The following SLC49A3 variants were observed in gnomAD, a reference collection of about 807,000 sequenced individuals.
SLC49A3 encodes solute carrier family 49 member A3.
Under a neutral mutation model 43.8 loss-of-function variants are expected in SLC49A3, and 50 were observed. That is an observed-to-expected ratio of 1.14 (90% CI 0.91 to 1.45). The LOEUF is 1.45. SLC49A3 is among the 40% of genes most tolerant of loss of function. The pLI is 0.00. For synonymous variants in SLC49A3, 413 were observed against 352.0 expected (o/e 1.17, Z -1.94); for missense variants, 906 against 774.1 (o/e 1.17, Z -2.02).
downstream of SLC49A3, among the ~76,000 whole-genome samples, chr4:681,665 GC>G (rs1183411657): frequency 2.9e-4 from 1 of 3,400 alleles, no homozygotes; most frequent in Non-Finnish European, 5.5e-4. Flanking sequence ...GCGCCGCCCC[GC>G]CCCCTCCAGC....
chr4:676,958 C>G (rs1417380059), downstream of SLC49A3: 1 of 984,166 alleles, frequency 1.0e-6, no homozygotes, highest in Non-Finnish European at 1.2e-6. Flanking sequence ...CAACTGTGAC[C>G]ATGTGTCCCT....
At chr4:689,363 C>T (rs913986970), upstream of SLC49A3, 1 of 309,572 alleles carries the variant, frequency 3.2e-6, no homozygotes, top group African/African-American at 2.2e-5. Flanking sequence ...CTCCTTCGGC[C>T]TCAGGCTGGA....
At chr4:677,866 A>G, downstream of SLC49A3, 50 of 1,259,308 alleles carry the variant, frequency 4.0e-5, no homozygotes, top group Non-Finnish European at 5.5e-5. Context: ...CAGGCTGCCA[A>G]AGCTCACTCT....
chr4:683,706 A>G lies in SLC49A3; in HGVS notation c.896T>C (p.Leu299Pro), dbSNP rs1186870928. ...LFITFGILGALALGPYVDRTK... is the reference protein window; with the variant it reads ...LFITFGILGAPALGPYVDRTK... Reference sequence around the variant, plus strand: ...CCGGTCCACATAGGGGCCGAGAGCCAGTGCCCCCAGGATCCCAAACGTGAT... The same window carrying G: ...CCGGTCCACATAGGGGCCGAGAGCCGGTGCCCCCAGGATCCCAAACGTGAT... The change falls in exon 7 of 10, where the codon CTG (leucine) becomes CCG (proline). Residue 299 changes from leucine to proline, a missense_variant. Transcript: ENST00000322224. 2 of 1,597,550 alleles carry G rather than the reference A, an allele frequency of 1.3e-6. No homozygotes were observed.
Position 683,661 on chromosome 4 carries a change from G to A in SLC49A3, c.941C>T (p.Ala314Val), listed in dbSNP as rs1312440488. Residue 314 changes from alanine (A) to valine (V), a missense_variant, in exon 7 of 10, where the codon GCC (alanine) becomes GTC (valine). Coordinates refer to ENST00000322224, the MANE Select transcript of SLC49A3 (RefSeq NM_032219.4). The stretch of plus-strand genomic sequence containing the variant: ...GAACAGGCACAGGCCAATCTTGGTG[G>A]CCTCAGTGAAGTGCTTGGTCCGGTC... ...YVDRTKHFTE[A>V]TKIGLCLFSL... 1.2e-6 allele frequency: 2 copies of A among 1,611,656 alleles called. No homozygotes were observed. Among genetic ancestry groups the A allele is most frequent in the African/African-American group, 1.3e-5 (1 of 74,916 alleles).
chr4:683,685 T>G lies in SLC49A3; in HGVS notation c.917A>C (p.Asp306Ala), dbSNP rs757832871. Residue 306 changes from aspartate (D) to alanine (A), a missense_variant, in exon 7 of 10, where the codon GAC becomes GCC. Transcript: ENST00000322224. The part of the protein sequence containing the change: ...LGALALGPYV[D>A]RTKHFTEATK... ...GGCCTCAGTGAAGTGCTTGGTCCGGTCCACATAGGGGCCGAGAGCCAGTGC... is the reference window on the plus strand; with the variant it reads ...GGCCTCAGTGAAGTGCTTGGTCCGGGCCACATAGGGGCCGAGAGCCAGTGC... The G allele has an allele frequency of 6.2e-7, 1 of 1,608,526 alleles. No individual in the cohort carries two copies. Among genetic ancestry groups the G allele is most frequent in the Non-Finnish European group, 8.5e-7 (1 of 1,178,012 alleles).
chr4:681,775 C>T (rs1292294130), downstream of SLC49A3: 13 of 1,219,556 alleles, frequency 1.1e-5, no homozygotes, highest in African/African-American at 1.6e-5. Flanking sequence ...CACCCCGCAC[C>T]CGGGCCCCTC....
Position 683,340 on chromosome 4 carries a change from C to A in SLC49A3, c.1021G>T (p.Ala341Ser). The part of the protein sequence containing the change: ...LVSQLQGQTL[A>S]LAATCSLLGL... ...AGCAGCGAGCAGGTGGCAGCCAGGG[C>A]AAGGGTCTGTCCCTGCAGCTGGGAC... is the stretch of plus-strand genomic sequence containing the variant. Residue 341 changes from alanine (A) to serine (S), a missense_variant, in exon 8 of 10, where the codon GCC becomes TCC. Coordinates refer to ENST00000322224, the MANE Select transcript of SLC49A3 (RefSeq NM_032219.4). 3.1e-6 allele frequency: 5 copies of A among 1,611,962 alleles called. No individual in the cohort carries two copies. The highest frequency in any genetic ancestry group is 4.2e-6 in the Non-Finnish European group (5 of 1,179,478).
downstream of SLC49A3, chr4:679,230 G>A: frequency 1.4e-6 from 1 of 698,462 alleles, no homozygotes; most frequent in Admixed American, 2.1e-5. Flanking sequence ...ATCCCAGGGT[G>A]AGACAGGGTG....
At chr4:681,489 G>A (rs1320823251), downstream of SLC49A3, among the ~76,000 whole-genome samples, 1 of 126,628 alleles carries the variant, frequency 7.9e-6, no homozygotes, top group Non-Finnish European at 1.6e-5. Context: ...ACTAATGCCG[G>A]GCCACCCCTC....
At chr4:678,102 C>CAG (rs748290871), downstream of SLC49A3, 181 of 1,587,380 alleles carry the variant, frequency 1.1e-4, 1 homozygote, top group Middle Eastern at 1.7e-4. Flanking sequence ...TACATGCGCA[C>CAG]AGACGAGCGT....
chr4:683,147 G>A, intron 8 of SLC49A3, 63 bp downstream of exon 8: 2 of 1,586,176 alleles, frequency 1.3e-6, no homozygotes, highest in South Asian at 1.1e-5. Context: ...GCAACCCCAG[G>A]GGTGTAGGGG....
At chr4:681,161 G>A, downstream of SLC49A3, 4 of 1,598,794 alleles carry the variant, frequency 2.5e-6, no homozygotes, top group Non-Finnish European at 3.4e-6. Context: ...CGGCTTCCCT[G>A]CCAAGCCCAC....
intron 4 of SLC49A3, 120 bp from the exon 5 acceptor site, chr4:684,976 A>C (rs1577360341): frequency 7.2e-7 from 1 of 1,379,668 alleles, no homozygotes; most frequent in Non-Finnish European, 9.7e-7. Context: ...GCTGCCTCCC[A>C]ACCTCTGGTC....
At position 686,196 on chromosome 4, in the gene SLC49A3, C is replaced by G; in HGVS notation, c.401G>C (p.Ser134Thr). Residue 134 changes from serine to threonine, a missense_variant, in exon 3 of 10, where the codon AGC (serine) becomes ACC (threonine). Coordinates refer to ENST00000322224, the MANE Select transcript of SLC49A3 (RefSeq NM_032219.4). Reference sequence around the variant, plus strand: ...CAGGCTCTGGGCAAGGGCACAGAGGCTCTGGCCACCCATGAGGAAGGCAAA... The same window carrying G: ...CAGGCTCTGGGCAAGGGCACAGAGGGTCTGGCCACCCATGAGGAAGGCAAA... ...NPFAFLMGGQ[S>T]LCALAQSLVI... is the part of the protein sequence containing the mutation. 6.2e-6 allele frequency: 10 copies of G among 1,613,544 alleles called. No individual in the cohort carries two copies. Among genetic ancestry groups the G allele is most frequent in the Non-Finnish European group, 6.8e-6 (8 of 1,180,028 alleles).
downstream of SLC49A3, chr4:679,858 G>A: frequency 6.7e-7 from 1 of 1,489,526 alleles, no homozygotes. Context: ...GTCACCTGCT[G>A]GTGGCACAGG....
At chr4:689,262 C>T, upstream of SLC49A3, 1 of 481,850 alleles carries the variant, frequency 2.1e-6, no homozygotes, top group Non-Finnish European at 3.2e-6. Flanking sequence ...AGTTCCGCCC[C>T]AAGGACTACG....
chr4:686,585 G>C lies in SLC49A3; in HGVS notation c.241C>G (p.Pro81Ala), dbSNP rs868431722. 1 of 1,613,288 alleles carries C rather than the reference G, an allele frequency of 6.2e-7. No individual in the cohort carries two copies. Among genetic ancestry groups the C allele is most frequent in the Non-Finnish European group, 8.5e-7 (1 of 1,179,944 alleles). The change falls in exon 2 of 10, where the codon CCA becomes GCA. Residue 81 changes from proline (P) to alanine (A), a missense_variant. Physicochemically the swap from Pro to Ala is conservative, Grantham distance 27. Transcript: ENST00000322224. ...ATCCAGATGGCCGCCACGCCAAATG[G>C]GGTGGATACCACGAGGTAGACCAGT... ...LSLVYLVVST[P>A]FGVAAIWILD...
chr4:681,584 G>A (rs1322558845), downstream of SLC49A3, among the ~76,000 whole-genome samples: 1 of 142,552 alleles, frequency 7.0e-6, no homozygotes, highest in Non-Finnish European at 1.5e-5. Flanking sequence ...CCCAGACTGT[G>A]GCTGCAGCCG....
Sources: allele counts gnomAD v4.1 joint callset (sites outside exome capture counted in the v4.1 genomes callset), GRCh38; gene constraint gnomAD v4.1.1; transcripts MANE v1.5; gene names NCBI Gene and HGNC (gene_info 2026-07-23, HGNC 2026-07-21).